Variants in MSRA observed in about 807,000 individuals in gnomAD.
The protein encoded by MSRA is methionine sulfoxide reductase A.
In MSRA, 54 loss-of-function variants were observed where a neutral mutation model predicts 31.3. The ratio of observed to expected loss-of-function variants is 1.73; its 90% CI spans 1.39 to 2.17. The LOEUF (loss-of-function observed/expected upper bound fraction) is 2.17, where lower values mean the gene tolerates loss of function less well. MSRA is among the 30% of genes most tolerant of loss of function. MSRA has a pLI of 0.00. For synonymous variants in MSRA, 169 were observed against 116.5 expected, an observed-to-expected ratio of 1.45 and a Z score of -2.90; for missense variants, 507 against 300.9, an observed-to-expected ratio of 1.69 and a Z score of -5.07.
chr8:10,113,292 C>CT (rs10665004), intron 1 of MSRA, among the ~76,000 whole-genome samples: 892 of 57,628 alleles, frequency 0.015, 76 homozygotes, highest in Middle Eastern at 0.044. Flanking sequence ...GACAGGTCTT[C>CT]TTTTTTTTTT....
At chr8:10,347,603 C>T (rs531252909) in intron 5 of MSRA, among the ~76,000 whole-genome samples, 6 of 152,350 alleles carry the variant, frequency 3.9e-5, no homozygotes, top group Admixed American at 3.9e-4. Context: ...GTTCCAGTCT[C>T]AGTCACCCTC....
intron 1 of MSRA, among the ~76,000 whole-genome samples, chr8:10,094,544 TTAGA>T (rs1194506563): frequency 6.6e-6 from 1 of 152,166 alleles, no homozygotes; most frequent in African/African-American, 2.4e-5. Context: ...ACTGAGGAGA[TTAGA>T]TAGATTAGCA....
At chr8:10,314,679 TGTATAAGAG>T (rs1454078362) in intron 4 of MSRA, among the ~76,000 whole-genome samples, 2 of 152,326 alleles carry the variant, frequency 1.3e-5, no homozygotes, top group East Asian at 3.9e-4. Context: ...CTCATGCATA[TGTATAAGAG>T]AATACATGTC....
chr8:10,371,639 C>T (rs1036512762), intron 5 of MSRA, among the ~76,000 whole-genome samples: 3 of 152,026 alleles, frequency 2.0e-5, no homozygotes, highest in Non-Finnish European at 4.4e-5. Context: ...TTTCCAGAGT[C>T]CTTTCCCTCC....
chr8:10,118,298 G>A (rs1046491760), intron 1 of MSRA, among the ~76,000 whole-genome samples: 1 of 152,106 alleles, frequency 6.6e-6, no homozygotes, highest in African/African-American at 2.4e-5. Context: ...CACAAACATA[G>A]GCTGAGTGTT....
chr8:10,239,230 C>T (rs1268415585), intron 2 of MSRA, among the ~76,000 whole-genome samples: 3 of 151,922 alleles, frequency 2.0e-5, no homozygotes, highest in Non-Finnish European at 2.9e-5. Flanking sequence ...GGTGCAATCT[C>T]GGCTTATTGC....
chr8:10,283,303 A>G (rs1799734600), intron 3 of MSRA, among the ~76,000 whole-genome samples: 2 of 152,062 alleles, frequency 1.3e-5, no homozygotes, highest in African/African-American at 4.8e-5. Context: ...ATTGCACATC[A>G]TTTTTAGCTG....
chr8:10,179,637 G>T (rs1806365617), intron 1 of MSRA, among the ~76,000 whole-genome samples: 1 of 152,190 alleles, frequency 6.6e-6, no homozygotes, highest in Admixed American at 6.5e-5. Flanking sequence ...CGACCCAGCT[G>T]ATGGGGCATA....
chr8:10,265,020 C>G (rs1022180237), intron 3 of MSRA, among the ~76,000 whole-genome samples: 3 of 152,118 alleles, frequency 2.0e-5, no homozygotes, highest in East Asian at 1.9e-4. Context: ...TAGGTCACAA[C>G]AGACTGAGGT....
At chr8:10,369,567 C>T (rs1358488595) in intron 5 of MSRA, among the ~76,000 whole-genome samples, 1 of 152,130 alleles carries the variant, frequency 6.6e-6, no homozygotes, top group Non-Finnish European at 1.5e-5. Flanking sequence ...TGCATTAAAA[C>T]TCCCATCAGA....
At chr8:10,240,864 C>T (rs1812353635) in intron 2 of MSRA, among the ~76,000 whole-genome samples, 1 of 147,518 alleles carries the variant, frequency 6.8e-6, no homozygotes, top group South Asian at 2.3e-4. Context: ...ATCGGCCTTT[C>T]TCTCTGCCCC....
At chr8:10,114,157 G>C (rs1419661558) in intron 1 of MSRA, among the ~76,000 whole-genome samples, 2 of 152,070 alleles carry the variant, frequency 1.3e-5, no homozygotes, top group Admixed American at 1.3e-4. Flanking sequence ...TTCCTTTTAT[G>C]GCTGAATAAT....
At chr8:10,232,545 AC>A (rs1386461640) in intron 2 of MSRA, among the ~76,000 whole-genome samples, 1 of 152,222 alleles carries the variant, frequency 6.6e-6, no homozygotes, top group East Asian at 1.9e-4. Context: ...TCACATTTGA[AC>A]AATCACAATC....
chr8:10,239,944 G>C lies in MSRA; in HGVS notation c.212-5160G>C, dbSNP rs1357931054. Among the ~76,000 whole-genome samples the C allele has an allele frequency of 2.6e-5, 4 of 152,196 alleles. 1 individual carries two copies. In the East Asian group the frequency reaches 5.8e-4, roughly 22 times the overall value. On this transcript the variant is annotated intron_variant, in intron 2 of 5. Transcript: ENST00000317173. ...GAACTGGTGCTGTGGCTGTGCCTTG[G>C]GGCTATTCCAGTGCTTTTTCAGGAC... is the stretch of plus-strand genomic sequence containing the variant.
chr8:10,402,671 A>G (rs1807540640), intron 5 of MSRA, among the ~76,000 whole-genome samples: 2 of 152,324 alleles, frequency 1.3e-5, no homozygotes, highest in South Asian at 4.1e-4. Flanking sequence ...CCCGACACAG[A>G]GACAGTCACA....
rs139419885 is a variant in MSRA, at chr8:10,158,438, C to G, written c.143-49395C>G. On this transcript the variant is annotated intron_variant, in intron 1 of 5. Transcript: ENST00000317173. ...CTACTTTCTGTGTCTATAGATTTGT[C>G]AATTTTGGATACTTTACATAGGTGG... 1.8e-3 allele frequency among the ~76,000 whole-genome samples: 279 copies of G among 152,290 alleles called. 2 individuals are homozygous for G. The highest frequency in any genetic ancestry group is 6.4e-3 in the African/African-American group (266 of 41,566).
intron 5 of MSRA, 25 bp downstream of exon 5, chr8:10,320,014 C>A: frequency 2.0e-6 from 3 of 1,534,104 alleles, no homozygotes; most frequent in South Asian, 1.2e-5. Flanking sequence ...GCTCCTAGCC[C>A]CTGGCTTAGG....
intron 1 of MSRA, among the ~76,000 whole-genome samples, chr8:10,190,619 G>T (rs7816198): frequency 0.025 from 3,817 of 152,292 alleles, 146 homozygotes; most frequent in African/African-American, 0.087. Flanking sequence ...GTCCGTGTTT[G>T]CCAGAGAGAG....
At chr8:10,292,864 G>A (rs1800319602) in intron 3 of MSRA, among the ~76,000 whole-genome samples, 1 of 152,126 alleles carries the variant, frequency 6.6e-6, no homozygotes, top group Non-Finnish European at 1.5e-5. Flanking sequence ...GTGGGTGTGA[G>A]GGGTTAGCCT....
Sources: gnomAD v4.1 joint callset for allele counts (sites outside exome capture counted in the v4.1 genomes callset) on GRCh38, gnomAD v4.1.1 for gene constraint, MANE v1.5 for transcripts, NCBI Gene and HGNC (gene_info 2026-07-23, HGNC 2026-07-21) for gene names.